SOX5: variants seen among roughly 807,000 people sequenced by gnomAD.
The protein encoded by SOX5 is SRY-box transcription factor 5.
In SOX5, 9 loss-of-function variants were observed where a neutral mutation model predicts 92.0. The ratio of observed to expected loss-of-function variants is 0.10; its 90% CI spans 0.06 to 0.17. The LOEUF is 0.17. Ranked by LOEUF, SOX5 falls within the 10% of genes least tolerant of loss-of-function variation. The pLI is 1.00. For synonymous variants in SOX5, 344 were observed against 336.3 expected (o/e 1.02, Z -0.25); for missense variants, 642 against 944.5 (o/e 0.68, Z 4.20).
chr12:23,950,291 C>A (rs1432686879), upstream of SOX5, among the ~76,000 whole-genome samples: 1 of 152,102 alleles, frequency 6.6e-6, no homozygotes, highest in African/African-American at 2.4e-5. Flanking sequence ...CTCACACACA[C>A]ACAACAATCA....
At chr12:24,205,495 G>T (rs371459726) in intron 4 of SOX5, among the ~76,000 whole-genome samples, 3 of 152,190 alleles carry the variant, frequency 2.0e-5, no homozygotes, top group African/African-American at 7.2e-5. Context: ...CAAATAACTC[G>T]TCTAAGGTGA....
chr12:24,291,237 C>T (rs1226020670), intron 2 of SOX5, among the ~76,000 whole-genome samples: 2 of 152,158 alleles, frequency 1.3e-5, no homozygotes, highest in African/African-American at 4.8e-5. Context: ...GTTAATAAAT[C>T]ACTCGGAAAT....
chr12:24,047,162 C>T (rs1012608610), intron 4 of SOX5, among the ~76,000 whole-genome samples: 2 of 152,068 alleles, frequency 1.3e-5, no homozygotes, highest in African/African-American at 4.8e-5. Flanking sequence ...TGAAAGAAAA[C>T]ATTTCAGTGT....
chr12:23,739,646 C>T lies in SOX5; in HGVS notation c.741+1221G>A, dbSNP rs2093724824. Among the ~76,000 whole-genome samples, 7 of 152,124 alleles carry T rather than the reference C, an allele frequency of 4.6e-5. No individual in the cohort carries two copies. In the South Asian group the frequency reaches 1.2e-3, roughly 27 times the overall value. ...AGCCAGTATCTCCCAAAGATCTACC[C>T]TTAGTTCCTTTCTGCTTTCTTGTAA... On this transcript the variant is annotated intron_variant, in intron 5 of 14. Transcript: ENST00000451604.
intron 4 of SOX5, among the ~76,000 whole-genome samples, chr12:24,118,900 A>T (rs1490204073): frequency 6.6e-6 from 1 of 152,176 alleles, no homozygotes; most frequent in East Asian, 1.9e-4. Context: ...ACGCAAGTGA[A>T]AATTCTCTAC....
At chr12:23,706,630 T>C (rs115074218) in intron 6 of SOX5, among the ~76,000 whole-genome samples, 2,167 of 152,128 alleles carry the variant, frequency 0.014, 48 homozygotes, top group African/African-American at 0.049. Context: ...GAAAAGTACA[T>C]TTATTCAAAA....
intron 12 of SOX5, 62 bp from the exon 13 acceptor site, chr12:23,543,446 A>G (rs1942502715): frequency 1.5e-6 from 2 of 1,311,950 alleles, no homozygotes; most frequent in Admixed American, 3.7e-5. Context: ...TTTTCCTTGC[A>G]TTCCTATTTT....
In SOX5 at chr12:23,530,078, AG is replaced by A. The variant is rs766666072; in HGVS notation, c.*4140del. The A allele has an allele frequency of 3.3e-5, 5 of 152,248 alleles. No homozygotes were observed. Among genetic ancestry groups the A allele is most frequent in the African/African-American group, 4.8e-5 (2 of 41,466 alleles). The allele number at this position is 152,248 out of a possible 1,614,324, so 9.4% of individuals were successfully genotyped here. On this transcript the variant is annotated 3_prime_UTR_variant, in exon 15 of 15. Transcript: ENST00000451604. ...ATACTTTAAAATTAAATACTGTAAA[AG>A]CCTGGCTAAACCAACAGCTATGCCC...
intron 9 of SOX5, among the ~76,000 whole-genome samples, chr12:23,587,761 C>G (rs113581985): frequency 6.6e-6 from 1 of 152,116 alleles, no homozygotes; most frequent in African/African-American, 2.4e-5. Flanking sequence ...TTGCCTTCAA[C>G]TTAATACACA....
intron 1 of SOX5, among the ~76,000 whole-genome samples, chr12:24,385,114 CTCT>C (rs1294900033): frequency 1.3e-5 from 2 of 152,092 alleles, no homozygotes; most frequent in Non-Finnish European, 2.9e-5. Context: ...TGCTGTTAAT[CTCT>C]TATTGTGCCT....
intron 2 of SOX5, among the ~76,000 whole-genome samples, chr12:24,300,509 T>C (rs1183659315): frequency 6.6e-6 from 1 of 152,116 alleles, no homozygotes; most frequent in African/African-American, 2.4e-5. Flanking sequence ...AAGCAACATA[T>C]CCACTGAGCG....
intron 4 of SOX5, among the ~76,000 whole-genome samples, chr12:23,746,888 G>A (rs966052106): frequency 9.9e-5 from 15 of 152,018 alleles, no homozygotes; most frequent in East Asian, 3.9e-4. Flanking sequence ...TGCTATTCTC[G>A]TGATAGTGAA....
chr12:24,337,523 A>G (rs767759092), intron 2 of SOX5, among the ~76,000 whole-genome samples: 83 of 151,896 alleles, frequency 5.5e-4, no homozygotes, highest in Non-Finnish European at 1.9e-4. Context: ...TATTTTTAGT[A>G]GAGACAGGGT....
intron 3 of SOX5, among the ~76,000 whole-genome samples, chr12:24,236,648 G>C (rs1239220941): frequency 6.6e-6 from 1 of 152,212 alleles, no homozygotes; most frequent in Non-Finnish European, 1.5e-5. Context: ...ACCAGGGAAA[G>C]ATTATAAGCA....
At chr12:24,425,184 CCTT>C (rs1263489946) in intron 1 of SOX5, among the ~76,000 whole-genome samples, 1 of 152,154 alleles carries the variant, frequency 6.6e-6, no homozygotes, top group Non-Finnish European at 1.5e-5. Flanking sequence ...GGCTAACACT[CCTT>C]AACTGTGGCC....
intron 14 of SOX5, among the ~76,000 whole-genome samples, chr12:23,535,277 T>G (rs189782516): frequency 1.3e-5 from 2 of 152,302 alleles, no homozygotes; most frequent in Admixed American, 1.3e-4. Context: ...AAATAAAACT[T>G]TACTGCCCAG....
At chr12:23,951,636 T>A (rs531726025), upstream of SOX5, among the ~76,000 whole-genome samples, 1 of 115,270 alleles carries the variant, frequency 8.7e-6, no homozygotes, top group Non-Finnish European at 1.9e-5. Flanking sequence ...TCAGGAGATG[T>A]TCTAAAAATA....
chr12:23,847,154 T>G (rs1434430700), intron 2 of SOX5, among the ~76,000 whole-genome samples: 1 of 152,090 alleles, frequency 6.6e-6, no homozygotes, highest in Non-Finnish European at 1.5e-5. Context: ...TTTTCTTACT[T>G]AAAGATTTTC....
chr12:24,279,439 G>A (rs1270578285), intron 2 of SOX5, among the ~76,000 whole-genome samples: 1 of 152,042 alleles, frequency 6.6e-6, no homozygotes, highest in Non-Finnish European at 1.5e-5. Context: ...TATCAGAAAA[G>A]AGGTTGTAAA....
Sources: allele counts gnomAD v4.1 joint callset (sites outside exome capture counted in the v4.1 genomes callset), GRCh38; gene constraint gnomAD v4.1.1; transcripts MANE v1.5; gene names NCBI Gene and HGNC (gene_info 2026-07-23, HGNC 2026-07-21).